Variants in GRK5 observed in about 807,000 individuals in gnomAD.
The protein encoded by GRK5 is G protein-coupled receptor kinase 5.
GRK5 carries 40 observed loss-of-function variants against 78.4 expected under a neutral mutation model. The ratio of observed to expected loss-of-function variants is 0.51; its 90% CI spans 0.40 to 0.66. The LOEUF (loss-of-function observed/expected upper bound fraction) is 0.66, where lower values mean the gene tolerates loss of function less well. GRK5 is among the 30% of genes least tolerant of loss of function. The pLI, the probability that GRK5 is intolerant of heterozygous loss-of-function variation, is 0.00. For missense variants in GRK5, 598 were observed against 759.9 expected (o/e 0.79, Z 2.50); for synonymous variants, 289 against 296.8 (o/e 0.97, Z 0.27).
rs73450521 is a variant in GRK5 at position 119,257,447 on chromosome 10, G to A, written c.52+49478G>A. Among the ~76,000 whole-genome samples the A allele has an allele frequency of 4.6e-3, 707 of 152,228 alleles. 3 individuals carry two copies. Among genetic ancestry groups the A allele is most frequent in the African/African-American group, 0.016 (662 of 41,512 alleles). The stretch of plus-strand genomic sequence containing the variant: ...TTTCAAAAGTGCTGGGGCAGGGGCC[G>A]GGTACGGTGGCTCACACCTATAATC... On this transcript the variant is annotated intron_variant, in intron 1 of 15. Coordinates refer to ENST00000392870, the MANE Select transcript of GRK5 (RefSeq NM_005308.3).
chr10:119,342,082 G>A (rs937173659), intron 2 of GRK5, among the ~76,000 whole-genome samples: 11 of 456 alleles, frequency 0.024, 1 homozygote, highest in Middle Eastern at 0.5. Flanking sequence ...GCCGGAGTTC[G>A]ACTGGTCAGG....
rs551382072 is a variant in GRK5, at chr10:119,441,116, G to C, written c.968-883G>C. 1.3e-4 allele frequency among the ~76,000 whole-genome samples: 20 copies of C among 152,334 alleles called. 1 individual carries two copies. In the East Asian group the frequency reaches 3.9e-3, roughly 29 times the overall value. Reference sequence around the variant, plus strand: ...TGGGATACTGCCCTGTGGAGGGGCGGTCGGAGGGCCCAGGCCTGCCGCCCC... The same window carrying C: ...TGGGATACTGCCCTGTGGAGGGGCGCTCGGAGGGCCCAGGCCTGCCGCCCC... On this transcript the variant is annotated intron_variant, in intron 10 of 15. Transcript: ENST00000392870.
intron 1 of GRK5, among the ~76,000 whole-genome samples, chr10:119,309,201 G>A (rs1850321052): frequency 6.6e-6 from 1 of 152,340 alleles, no homozygotes; most frequent in African/African-American, 2.4e-5. Context: ...AGGGTTGATT[G>A]TGCCTCCCCT....
chr10:119,453,589 G>A (rs566004882), intron 15 of GRK5, among the ~76,000 whole-genome samples: 2 of 152,288 alleles, frequency 1.3e-5, no homozygotes, highest in South Asian at 2.1e-4. Context: ...ATGTGGGGCA[G>A]CAAGTTTGGC....
chr10:119,289,939 T>C (rs1285041270), intron 1 of GRK5, among the ~76,000 whole-genome samples: 1 of 152,196 alleles, frequency 6.6e-6, no homozygotes, highest in Non-Finnish European at 1.5e-5. Flanking sequence ...TGGTCAGCTG[T>C]ACTTACCGGC....
intron 2 of GRK5, among the ~76,000 whole-genome samples, chr10:119,330,643 T>C (rs1417532933): frequency 2.0e-5 from 3 of 152,110 alleles, no homozygotes; most frequent in Non-Finnish European, 4.4e-5. Context: ...ACCTCTCCCC[T>C]GAGACACAGC....
Position 119,378,674 on chromosome 10 carries a change from G to GGGCT in GRK5, c.149-2141_149-2140insGGCT, listed in dbSNP as rs1851664711. On this transcript the variant is annotated intron_variant, in intron 2 of 15. Transcript: ENST00000392870. The surrounding 1 kb of genome is among the most constrained non-coding windows in gnomAD (Gnocchi z 4.5). The stretch of plus-strand genomic sequence containing the variant: ...TCATCTCCGCTTGTGTGCGGGCTGC[G>GGGCT]CCTCCGTGGGCTCTCGCTGCGTGGG... Among the ~76,000 whole-genome samples, 1 of 79,772 alleles carries GGGCT rather than the reference G, an allele frequency of 1.3e-5. No individual in the cohort carries two copies. Among genetic ancestry groups the GGGCT allele is most frequent in the African/African-American group, 6.1e-5 (1 of 16,490 alleles). The allele number at this position is 79,772 out of a possible 152,430, so 52.3% of individuals were successfully genotyped here.
At chr10:119,436,866 C>A (rs1384388886) in intron 9 of GRK5, 25 bp downstream of exon 9, 3 of 1,566,892 alleles carry the variant, frequency 1.9e-6, no homozygotes, top group Admixed American at 1.8e-5. Context: ...CCAAGGACTT[C>A]CAAGTCTAAG....
At chr10:119,350,593 C>T (rs558676229) in intron 2 of GRK5, among the ~76,000 whole-genome samples, 6 of 152,302 alleles carry the variant, frequency 3.9e-5, no homozygotes, top group Admixed American at 2.6e-4. Flanking sequence ...TTTCAGCTGT[C>T]GAAGTGGTGC....
rs762960366 is a variant in GRK5, at chr10:119,264,040, A to G, written c.52+56071A>G. On this transcript the variant is annotated intron_variant, in intron 1 of 15. Transcript: ENST00000392870. This position sits in a 1 kb window ranked among gnomAD's most constrained non-coding sequence, Gnocchi z 4.1. Reference sequence around the variant, plus strand: ...CATTCTGCAAGAGAAGACAGATGGCAGGCAGGAGGCAGATTGGAGAGAGGT... The same window carrying G: ...CATTCTGCAAGAGAAGACAGATGGCGGGCAGGAGGCAGATTGGAGAGAGGT... Among the ~76,000 whole-genome samples the G allele has an allele frequency of 1.3e-5, 2 of 152,218 alleles. No homozygotes were observed. The highest frequency in any genetic ancestry group is 2.9e-5 in the Non-Finnish European group (2 of 68,026).
intron 1 of GRK5, among the ~76,000 whole-genome samples, chr10:119,260,944 G>A (rs2133653202): frequency 6.6e-6 from 1 of 152,126 alleles, no homozygotes; most frequent in African/African-American, 2.4e-5. Flanking sequence ...CGGGGTGGTG[G>A]CCGGGCAGAG....
rs1315474345 is a variant in GRK5 at position 119,238,645 on chromosome 10, G to C, written c.52+30676G>C. ...CGTTGACCTGAGCTTCAGTGCCAGA[G>C]AGTCGAGCAAAGAGAATATCACTTT... On this transcript the variant is annotated intron_variant, in intron 1 of 15. Transcript: ENST00000392870. This position sits in a 1 kb window ranked among gnomAD's most constrained non-coding sequence, Gnocchi z 4.7. Among the ~76,000 whole-genome samples, 1 of 152,220 alleles carries C rather than the reference G, an allele frequency of 6.6e-6. No individual in the cohort carries two copies. Among genetic ancestry groups the C allele is most frequent in the African/African-American group, 2.4e-5 (1 of 41,450 alleles).
intron 1 of GRK5, among the ~76,000 whole-genome samples, chr10:119,295,841 T>G (rs1283767384): frequency 6.6e-6 from 1 of 152,078 alleles, no homozygotes; most frequent in Non-Finnish European, 1.5e-5. Flanking sequence ...AATAGTAAGG[T>G]GCAGCGTATA....
chr10:119,207,691 CAGAG>C lies in GRK5; in HGVS notation c.-226_-223del, dbSNP rs1848407433. The C allele has an allele frequency of 2.0e-5, 8 of 402,762 alleles. No individual in the cohort carries two copies. In the East Asian group the frequency reaches 3.9e-4, roughly 20 times the overall value. 24.9% of individuals were successfully genotyped at this position (402,762 alleles called of 1,614,324 possible). ...GTTGAGGGAGGGGGGAGGGGGGACA[CAGAG>C]GGAGGAAGAAGCGGCGGCGGCGGCG... is the stretch of plus-strand genomic sequence containing the variant. On this transcript the variant is annotated 5_prime_UTR_variant, in exon 1 of 16. Coordinates refer to ENST00000392870, the MANE Select transcript of GRK5 (RefSeq NM_005308.3).
intron 2 of GRK5, among the ~76,000 whole-genome samples, chr10:119,371,013 T>C (rs1851537825): frequency 7.8e-6 from 1 of 127,646 alleles, no homozygotes; most frequent in African/African-American, 3.0e-5. Flanking sequence ...AATCAACATG[T>C]GGTTTCATTT....
At chr10:119,341,839 T>C (rs1178236729) in intron 2 of GRK5, among the ~76,000 whole-genome samples, 1 of 152,230 alleles carries the variant, frequency 6.6e-6, no homozygotes, top group Non-Finnish European at 1.5e-5. Context: ...CTCTGAGTTC[T>C]TTTAAGAGTC....
intron 1 of GRK5, among the ~76,000 whole-genome samples, chr10:119,237,357 C>T (rs1018328534): frequency 2.0e-5 from 3 of 152,230 alleles, no homozygotes; most frequent in African/African-American, 7.2e-5. Context: ...GCCATCTTGC[C>T]TGGCCTGTAT....
At chr10:119,275,418 A>C (rs939650593) in intron 1 of GRK5, among the ~76,000 whole-genome samples, 15 of 152,172 alleles carry the variant, frequency 9.9e-5, no homozygotes, top group African/African-American at 3.6e-4. Context: ...ACTTCCTGAG[A>C]CAGCCAGTCC....
At chr10:119,281,327 T>A (rs146059933) in intron 1 of GRK5, among the ~76,000 whole-genome samples, 135 of 152,016 alleles carry the variant, frequency 8.9e-4, no homozygotes, top group African/African-American at 3.2e-3. Context: ...CCAAAGCAGT[T>A]CTTGTGGGTC....
Sources: gnomAD v4.1 joint callset for allele counts (sites outside exome capture counted in the v4.1 genomes callset) on GRCh38, gnomAD v4.1.1 for gene constraint, Gnocchi (gnomAD v3.1) non-coding constraint, MANE v1.5 for transcripts, NCBI Gene and HGNC (gene_info 2026-07-23, HGNC 2026-07-21) for gene names.